Variants in TENM1 observed in about 807,000 individuals in gnomAD.
TENM1 encodes teneurin-1.
In TENM1, 35 loss-of-function variants were observed where a neutral mutation model predicts 174.8. The observed-to-expected ratio is 0.20, with a 90% CI of 0.15 to 0.27. The LOEUF (loss-of-function observed/expected upper bound fraction) is 0.27. Ranked by LOEUF, TENM1 falls within the 10% of genes least tolerant of loss-of-function variation. The pLI is 1.00. For missense variants in TENM1, 1,633 were observed against 2,130.1 expected, an observed-to-expected ratio of 0.77 and a Z score of 4.59; for synonymous variants, 781 against 798.7, an observed-to-expected ratio of 0.98 and a Z score of 0.37.
chrX:125,067,036 CTA>C, the TENM1 span, among the ~76,000 whole-genome samples: 6 of 111,093 alleles, frequency 5.4e-5, no homozygotes, highest in East Asian at 1.7e-3. Flanking sequence ...TTCAGAGGCT[CTA>C]TAAGACAGGA....
At chrX:124,509,519 C>T (rs985951639) in intron 18 of TENM1, among the ~76,000 whole-genome samples, 1 of 110,364 alleles carries the variant, frequency 9.1e-6, no homozygotes, top group Non-Finnish European at 1.9e-5. Flanking sequence ...ACAATGTGAC[C>T]GACTAAAAGG....
intron 25 of TENM1, among the ~76,000 whole-genome samples, chrX:124,407,139 G>A (rs1349401327): frequency 1.9e-5 from 2 of 107,424 alleles, no homozygotes; most frequent in Non-Finnish European, 3.8e-5. Context: ...GTCTATATGA[G>A]TAAGAGACAA....
At chrX:124,845,920 G>T (rs922737996) in intron 3 of TENM1, among the ~76,000 whole-genome samples, 2 of 110,313 alleles carry the variant, frequency 1.8e-5, no homozygotes, top group African/African-American at 3.3e-5. Flanking sequence ...AGTAATAAAA[G>T]CTTTGCGTGA....
the TENM1 span, among the ~76,000 whole-genome samples, chrX:125,185,216 A>T: frequency 8.9e-6 from 1 of 112,313 alleles, no homozygotes; most frequent in East Asian, 2.8e-4. Flanking sequence ...TGCCAGTAAA[A>T]TTTTCTAAAT....
At chrX:124,690,961 T>C (rs995264561) in intron 5 of TENM1, among the ~76,000 whole-genome samples, 21 of 110,904 alleles carry the variant, frequency 1.9e-4, no homozygotes, top group African/African-American at 4.6e-4. Context: ...GACTAAGACA[T>C]GCATATATGC....
chrX:125,049,916 CTCTTA>C, the TENM1 span, among the ~76,000 whole-genome samples: 3 of 109,437 alleles, frequency 2.7e-5, no homozygotes, highest in East Asian at 8.6e-4. Flanking sequence ...GGATATGACT[CTCTTA>C]TATGGTTTGT....
chrX:124,963,659 T>A (rs763865099), exon 1 of TENM1: 1 of 1,211,607 alleles, frequency 8.3e-7, no homozygotes, highest in Admixed American at 2.2e-5. Context: ...TTTTCTTCCA[T>A]CTTCACTCTC....
chrX:124,605,737 G>A (rs1414123348), intron 11 of TENM1, among the ~76,000 whole-genome samples: 2 of 111,327 alleles, frequency 1.8e-5, no homozygotes, highest in Non-Finnish European at 3.8e-5. Context: ...TATGGAATGT[G>A]ATCTACTGTT....
chrX:124,818,165 C>A lies in TENM1; in HGVS notation c.535+76131G>T, dbSNP rs189247558. 5.5e-3 allele frequency among the ~76,000 whole-genome samples: 614 copies of A among 111,247 alleles called. 2 individuals are homozygous for A. The highest frequency in any genetic ancestry group is 0.018 in the Middle Eastern group (4 of 217). On this transcript the variant is annotated intron_variant, in intron 3 of 31. Coordinates refer to ENST00000422452, the Ensembl canonical transcript of TENM1. ...TCCTGAAAACTGATATTAGTGAAAG[C>A]TTTATTTAGCTTGGCTCTTTCACAG...
chrX:124,501,971 A>G (rs1458974338), intron 19 of TENM1, among the ~76,000 whole-genome samples: 1 of 111,507 alleles, frequency 9.0e-6, no homozygotes, highest in Non-Finnish European at 1.9e-5. Flanking sequence ...TTTTTAAAAG[A>G]CTATCCAAAG....
At chrX:124,612,094 GT>G (rs2050290725) in intron 11 of TENM1, among the ~76,000 whole-genome samples, 1 of 111,897 alleles carries the variant, frequency 8.9e-6, no homozygotes, top group Non-Finnish European at 1.9e-5. Context: ...AGTATCACTA[GT>G]TTTTACGAAG....
the TENM1 span, among the ~76,000 whole-genome samples, chrX:125,033,249 G>A: frequency 1.8e-5 from 2 of 111,283 alleles, no homozygotes; most frequent in African/African-American, 6.5e-5. Context: ...TATCATATAT[G>A]AAAATGTTTT....
intron 11 of TENM1, among the ~76,000 whole-genome samples, chrX:124,571,222 G>A (rs1451698029): frequency 9.0e-6 from 1 of 111,559 alleles, no homozygotes; most frequent in Non-Finnish European, 1.9e-5. Context: ...TCCCAGAAAG[G>A]TGTTCTTTAA....
intron 4 of TENM1, among the ~76,000 whole-genome samples, chrX:124,724,909 T>G (rs1409306434): frequency 1.8e-5 from 2 of 111,628 alleles, no homozygotes; most frequent in Non-Finnish European, 3.8e-5. Context: ...GGAATTAGTG[T>G]CCTTATAAAA....
At chrX:125,116,282 C>A in the TENM1 span, among the ~76,000 whole-genome samples, 1 of 112,077 alleles carries the variant, frequency 8.9e-6, no homozygotes, top group Non-Finnish European at 1.9e-5. Context: ...CCCATAAAAA[C>A]CCTAGAAGAG....
chrX:124,856,758 T>C (rs1285806287), intron 3 of TENM1, among the ~76,000 whole-genome samples: 1 of 111,431 alleles, frequency 9.0e-6, no homozygotes, highest in Non-Finnish European at 1.9e-5. Context: ...GTCTCTCTCC[T>C]ATAACAGAAC....
the TENM1 span, among the ~76,000 whole-genome samples, chrX:125,077,291 T>C: frequency 9.0e-6 from 1 of 111,375 alleles, no homozygotes; most frequent in Non-Finnish European, 1.9e-5. Context: ...AGATAACATA[T>C]ATACAGTTAA....
the TENM1 span, among the ~76,000 whole-genome samples, chrX:125,037,572 G>A: frequency 9.0e-6 from 1 of 110,784 alleles, no homozygotes; most frequent in Non-Finnish European, 1.9e-5. Flanking sequence ...CTATTTTACG[G>A]TATAATAGAT....
intron 18 of TENM1, among the ~76,000 whole-genome samples, chrX:124,517,797 C>G (rs1389427362): frequency 9.7e-6 from 1 of 102,896 alleles, no homozygotes; most frequent in East Asian, 3.1e-4. Context: ...ATGTACCCTA[C>G]AACTTAAAGT....
Sources: allele counts gnomAD v4.1 joint callset (sites outside exome capture counted in the v4.1 genomes callset), GRCh38; gene constraint gnomAD v4.1.1; transcripts MANE v1.5; gene names NCBI Gene and HGNC (gene_info 2026-07-23, HGNC 2026-07-21).